The following SENP6 variants were observed in gnomAD, a reference collection of about 807,000 sequenced individuals.
SENP6 encodes SUMO specific peptidase 6.
In SENP6, 41 loss-of-function variants were observed where a neutral mutation model predicts 134.5. The observed-to-expected ratio is 0.30, with a 90% CI of 0.24 to 0.40. SENP6 has a LOEUF of 0.40. Among genes scored for constraint, SENP6 ranks in the 10% least tolerant of loss-of-function variants. The pLI is 1.00. For synonymous variants in SENP6, 395 were observed against 429.8 expected (o/e 0.92, Z 1.00); for missense variants, 1,248 against 1,312.5 (o/e 0.95, Z 0.76).
intron 7 of SENP6, among the ~76,000 whole-genome samples, chr6:75,648,653 A>T (rs764939257): frequency 6.6e-6 from 1 of 152,188 alleles, no homozygotes; most frequent in Non-Finnish European, 1.5e-5. Flanking sequence ...TATACTTTAC[A>T]TACTAAGCAT....
intron 1 of SENP6, 102 bp downstream of exon 1, chr6:75,602,678 G>T: frequency 8.0e-7 from 1 of 1,249,728 alleles, no homozygotes. Flanking sequence ...GTGGGTTTCG[G>T]GGGCGGTGAA....
chr6:75,678,334 G>C, intron 14 of SENP6: 1 of 353,542 alleles, frequency 2.8e-6, no homozygotes, highest in South Asian at 4.1e-5. Context: ...AGTAGAGAGA[G>C]AAGTAAGATA....
intron 15 of SENP6, 40 bp from the exon 16 acceptor site, chr6:75,678,771 A>T (rs766658206): frequency 2.9e-6 from 4 of 1,382,508 alleles, no homozygotes; most frequent in Middle Eastern, 1.8e-4. Context: ...GTATATATAT[A>T]TAGATTTGTT....
chr6:75,643,606 C>T (rs964286877), intron 6 of SENP6, among the ~76,000 whole-genome samples: 1 of 152,138 alleles, frequency 6.6e-6, no homozygotes, highest in Non-Finnish European at 1.5e-5. Context: ...CCTGTAATCC[C>T]AGCTACTCGG....
intron 6 of SENP6, among the ~76,000 whole-genome samples, chr6:75,644,836 T>C (rs1770312088): frequency 6.6e-6 from 1 of 152,216 alleles, no homozygotes; most frequent in East Asian, 1.9e-4. Flanking sequence ...CAGTGTTGGT[T>C]TCTTTTTTGA....
chr6:75,614,423 G>A (rs1476031661), intron 1 of SENP6, among the ~76,000 whole-genome samples: 2 of 151,758 alleles, frequency 1.3e-5, no homozygotes, highest in East Asian at 3.9e-4. Flanking sequence ...GCACCACCAC[G>A]CCAGGCAAAT....
At chr6:75,696,194 T>C (rs1032623629) in intron 17 of SENP6, among the ~76,000 whole-genome samples, 2 of 152,216 alleles carry the variant, frequency 1.3e-5, no homozygotes, top group African/African-American at 4.8e-5. Context: ...AGTTCTCTTA[T>C]CAGTTTACAA....
intron 8 of SENP6, among the ~76,000 whole-genome samples, chr6:75,663,000 T>C (rs572026193): frequency 8.9e-4 from 135 of 152,292 alleles, no homozygotes; most frequent in African/African-American, 3.1e-3. Flanking sequence ...ACATTACTTA[T>C]TTAGGCTCTC....
chr6:75,619,330 T>G (rs561909044), intron 1 of SENP6, among the ~76,000 whole-genome samples: 26 of 152,274 alleles, frequency 1.7e-4, no homozygotes, highest in Non-Finnish European at 3.4e-4. Flanking sequence ...TCATACAATA[T>G]TTGTCCTTTT....
intron 1 of SENP6, among the ~76,000 whole-genome samples, chr6:75,608,528 AAG>A (rs1257214037): frequency 1.3e-5 from 2 of 152,048 alleles, no homozygotes; most frequent in East Asian, 1.9e-4. Context: ...GAAAGAAGGA[AAG>A]AGAGGAAGGA....
At chr6:75,695,990 G>A (rs1446838417) in intron 17 of SENP6, 67 bp downstream of exon 17, 16 of 1,373,598 alleles carry the variant, frequency 1.2e-5, no homozygotes, top group Non-Finnish European at 1.6e-5. Flanking sequence ...GAAAAATCAC[G>A]TACTTGAAAG....
intron 16 of SENP6, among the ~76,000 whole-genome samples, chr6:75,683,666 TTTC>T (rs200985174): frequency 0.11 from 17,148 of 152,194 alleles, 971 homozygotes; most frequent in African/African-American, 0.14. Flanking sequence ...CCTTTCCCCG[TTTC>T]TTGTTTTTGT....
intron 7 of SENP6, among the ~76,000 whole-genome samples, chr6:75,654,422 TG>T (rs1771156531): frequency 6.6e-6 from 1 of 152,188 alleles, no homozygotes; most frequent in Non-Finnish European, 1.5e-5. Flanking sequence ...TAGCCAGAGT[TG>T]AAGCCATAGA....
intron 16 of SENP6, 35 bp downstream of exon 16, chr6:75,678,962 T>C (rs748530660): frequency 3.0e-6 from 3 of 1,016,346 alleles, no homozygotes; most frequent in Non-Finnish European, 4.6e-6. Context: ...TTATTAAATC[T>C]TTAACATTCC....
At chr6:75,699,336 AG>A (rs1420601469) in intron 18 of SENP6, among the ~76,000 whole-genome samples, 1 of 124,622 alleles carries the variant, frequency 8.0e-6, no homozygotes, top group Non-Finnish European at 1.6e-5. Context: ...AAATCAAGAG[AG>A]CTTGTTTTTG....
chr6:75,605,946 T>G (rs768081542), intron 1 of SENP6, among the ~76,000 whole-genome samples: 1 of 152,098 alleles, frequency 6.6e-6, no homozygotes, highest in Non-Finnish European at 1.5e-5. Flanking sequence ...GAGAAGTTGA[T>G]AGGTTGAGGA....
At chr6:75,661,030 C>T (rs1285011319) in intron 8 of SENP6, among the ~76,000 whole-genome samples, 5 of 152,016 alleles carry the variant, frequency 3.3e-5, no homozygotes, top group Admixed American at 6.6e-5. Context: ...GTGGAGGGAA[C>T]ATATTTGGGC....
At chr6:75,614,853 G>A (rs1263304223) in intron 1 of SENP6, among the ~76,000 whole-genome samples, 1 of 152,088 alleles carries the variant, frequency 6.6e-6, no homozygotes, top group Non-Finnish European at 1.5e-5. Flanking sequence ...TCAGATTAAG[G>A]GAGTGCCTTT....
At chr6:75,695,669 G>A (rs1481472966) in intron 16 of SENP6, 135 bp from the exon 17 acceptor site, 5 of 514,674 alleles carry the variant, frequency 9.7e-6, no homozygotes, top group Non-Finnish European at 1.6e-5. Flanking sequence ...CCCAGGAGGT[G>A]GAGGTTGCAG....
Sources: allele counts gnomAD v4.1 joint callset (sites outside exome capture counted in the v4.1 genomes callset), GRCh38; gene constraint gnomAD v4.1.1; transcripts MANE v1.5; gene names NCBI Gene and HGNC (gene_info 2026-07-23, HGNC 2026-07-21).